ABLIM2: variants seen among roughly 807,000 people sequenced by gnomAD.
The protein encoded by ABLIM2 is actin binding LIM protein family member 2.
Under a neutral mutation model 97.7 loss-of-function variants are expected in ABLIM2, and 53 were observed. The observed-to-expected ratio is 0.54, with a 90% CI of 0.44 to 0.68. The LOEUF (loss-of-function observed/expected upper bound fraction) is 0.68, where lower values mean the gene tolerates loss of function less well. ABLIM2 is among the 30% of genes least tolerant of loss of function. ABLIM2 has a pLI of 0.00. For missense variants in ABLIM2, 835 were observed against 867.2 expected, an observed-to-expected ratio of 0.96 and a Z score of 0.47; for synonymous variants, 361 against 345.8, an observed-to-expected ratio of 1.04 and a Z score of -0.49.
chr4:7,978,474 T>C (rs1317282), intron 20 of ABLIM2, among the ~76,000 whole-genome samples: 96,824 of 152,090 alleles, frequency 0.64, 30,949 homozygotes, highest in Non-Finnish European at 0.64. Context: ...ATAGAAGTCC[T>C]GTCAAGCATA....
chr4:8,096,948 G>C, intron 3 of ABLIM2, 151 bp downstream of exon 3: 1 of 1,016,498 alleles, frequency 9.8e-7, no homozygotes, highest in Non-Finnish European at 1.4e-6. Context: ...CAAGACAGAA[G>C]GGTGCAGACT....
chr4:8,080,723 A>T lies in ABLIM2; in HGVS notation c.534T>A (p.Phe178Leu). 6.2e-7 allele frequency: 1 copy of T among 1,612,744 alleles called. No homozygotes were observed. Among genetic ancestry groups the T allele is most frequent in the South Asian group, 1.1e-5 (1 of 90,956 alleles). Residue 178 changes from phenylalanine to leucine, a missense_variant, in exon 5 of 21, where the codon TTT (phenylalanine) becomes TTA (leucine). Coordinates refer to ENST00000447017, the MANE Select transcript of ABLIM2 (RefSeq NM_001130083.2). ...ALDKHWHLGC[F>L]KCKSCGKLLN... is the part of the protein sequence containing the mutation. The stretch of plus-strand genomic sequence containing the variant: ...GGAGCTTCCCACAGCTCTTGCACTT[A>T]AAACAGCCCAAGTGCCAGTGCTTGT...
intron 14 of ABLIM2, among the ~76,000 whole-genome samples, chr4:8,012,492 A>T (rs1765695030): frequency 7.9e-6 from 1 of 126,330 alleles, no homozygotes; most frequent in Non-Finnish European, 1.6e-5. Flanking sequence ...TCACTCATCC[A>T]TCCATCCATC....
At position 8,085,646 on chromosome 4, in the gene ABLIM2, G is replaced by A. The variant is rs1823053457; in HGVS notation, c.454+2523C>T. 6.7e-6 allele frequency among the ~76,000 whole-genome samples: 1 copy of A among 148,640 alleles called. No homozygotes were observed. Among genetic ancestry groups the A allele is most frequent in the Admixed American group, 6.7e-5 (1 of 14,970 alleles). ...CAGCCCTGTCCACTCACGCAGGTCTGGGGGTGCCCACGCTGCAGCCCCGTC... is the reference window on the plus strand; with the variant it reads ...CAGCCCTGTCCACTCACGCAGGTCTAGGGGTGCCCACGCTGCAGCCCCGTC... On this transcript the variant is annotated intron_variant, in intron 4 of 20. Transcript: ENST00000447017. The surrounding 1 kb of genome is among the most constrained non-coding windows in gnomAD (Gnocchi z 6.1).
Position 8,140,720 on chromosome 4 carries a change from C to A in ABLIM2, c.10+17960G>T, listed in dbSNP as rs554197152. Among the ~76,000 whole-genome samples, 1 of 151,952 alleles carries A rather than the reference C, an allele frequency of 6.6e-6. No individual in the cohort carries two copies. Among genetic ancestry groups the A allele is most frequent in the Admixed American group, 6.6e-5 (1 of 15,264 alleles). On this transcript the variant is annotated intron_variant, in intron 1 of 20. Transcript: ENST00000447017. This position sits in a 1 kb window ranked among gnomAD's most constrained non-coding sequence, Gnocchi z 5.9. ...GAGCTGGGGCCTCCTGAAGGTCCCA[C>A]GGAGGCCAGCAGAGAGTAGCACCCA...
Position 8,023,192 on chromosome 4 carries a change from C to G in ABLIM2, c.1268-2889G>C, listed in dbSNP as rs920871632. 6.6e-6 allele frequency: 1 copy of G among 152,434 alleles called. No individual in the cohort carries two copies. The highest frequency in any genetic ancestry group is 2.1e-4 in the South Asian group (1 of 4,832). The allele number at this position is 152,434 out of a possible 1,614,324, so 9.4% of individuals were successfully genotyped here. On this transcript the variant is annotated intron_variant, in intron 12 of 20. Coordinates refer to ENST00000447017, the MANE Select transcript of ABLIM2 (RefSeq NM_001130083.2). This position sits in a 1 kb window ranked among gnomAD's most constrained non-coding sequence, Gnocchi z 5.7. ...GCCCGCGTCCCTGCCGTCCCCTCTCCCATCACTAGGGTGCCCACAGATTGG... is the reference window on the plus strand; with the variant it reads ...GCCCGCGTCCCTGCCGTCCCCTCTCGCATCACTAGGGTGCCCACAGATTGG...
At chr4:8,063,394 T>G (rs1296458533) in intron 6 of ABLIM2, among the ~76,000 whole-genome samples, 1 of 152,246 alleles carries the variant, frequency 6.6e-6, no homozygotes, top group East Asian at 1.9e-4. Context: ...ACGATGGGCT[T>G]GAGCCCTCCA....
intron 16 of ABLIM2, among the ~76,000 whole-genome samples, chr4:7,993,550 G>A (rs908470093): frequency 3.3e-5 from 5 of 152,136 alleles, no homozygotes; most frequent in African/African-American, 4.8e-5. Context: ...GGTGGTGCAC[G>A]CCTGTGGTCC....
Position 8,095,611 on chromosome 4 carries a change from T to C in ABLIM2, c.338+1488A>G, listed in dbSNP as rs989687246. On this transcript the variant is annotated intron_variant, in intron 3 of 20. Coordinates refer to ENST00000447017, the MANE Select transcript of ABLIM2 (RefSeq NM_001130083.2). This position sits in a 1 kb window ranked among gnomAD's most constrained non-coding sequence, Gnocchi z 4.7. ...GTTTCCCAAGCTGGTCTCCAGTTCC[T>C]GGTCTCAAGCGATCCTCCTACCTTG... Among the ~76,000 whole-genome samples, 3 of 152,176 alleles carry C rather than the reference T, an allele frequency of 2.0e-5. No individual in the cohort carries two copies. The highest frequency in any genetic ancestry group is 1.3e-4 in the Admixed American group (2 of 15,278).
chr4:7,993,068 C>A, intron 16 of ABLIM2, 141 bp from the exon 17 acceptor site: 1 of 823,652 alleles, frequency 1.2e-6, no homozygotes, highest in Non-Finnish European at 2.0e-6. Flanking sequence ...CATGACCTGC[C>A]TCAGTGGTGA....
At chr4:8,064,126 T>C (rs185025810) in intron 6 of ABLIM2, among the ~76,000 whole-genome samples, 23 of 152,370 alleles carry the variant, frequency 1.5e-4, no homozygotes, top group African/African-American at 5.5e-4. Context: ...CTTTGTTCTG[T>C]GTGCTCTCGC....
intron 6 of ABLIM2, among the ~76,000 whole-genome samples, chr4:8,076,214 G>A (rs1815920733): frequency 6.6e-6 from 1 of 152,228 alleles, no homozygotes; most frequent in African/African-American, 2.4e-5. Context: ...AGGTAGAGTT[G>A]CTGGATGCGG....
intron 7 of ABLIM2, among the ~76,000 whole-genome samples, chr4:8,055,942 A>G (rs990753290): frequency 3.3e-5 from 5 of 151,960 alleles, no homozygotes; most frequent in African/African-American, 1.2e-4. Flanking sequence ...GTGAAACCCC[A>G]TCTCTATCAA....
chr4:8,143,159 T>TGGGG (rs1554123507), intron 1 of ABLIM2, among the ~76,000 whole-genome samples: 1 of 61,398 alleles, frequency 1.6e-5, no homozygotes, highest in African/African-American at 6.9e-5. Flanking sequence ...GGGGCGAGAG[T>TGGGG]GGGGGGGGGG....
rs188799005 is a variant in ABLIM2, at chr4:8,021,593, G to A, written c.1268-1290C>T. Among the ~76,000 whole-genome samples the A allele has an allele frequency of 1.3e-5, 2 of 152,208 alleles. No homozygotes were observed. The highest frequency in any genetic ancestry group is 2.4e-5 in the African/African-American group (1 of 41,448). ...AACAGAAATAGAACTTCTGCGGTGG[G>A]TGAGTGATGTGCTGGGCCTGAAGGT... On this transcript the variant is annotated intron_variant, in intron 12 of 20. Transcript: ENST00000447017. The surrounding 1 kb of genome is among the most constrained non-coding windows in gnomAD (Gnocchi z 5.5).
chr4:8,086,822 C>T (rs938733315), intron 4 of ABLIM2, among the ~76,000 whole-genome samples: 4 of 151,346 alleles, frequency 2.6e-5, no homozygotes, highest in Non-Finnish European at 4.4e-5. Flanking sequence ...AATAAAACCA[C>T]GTTTACATTA....
intron 1 of ABLIM2, among the ~76,000 whole-genome samples, chr4:8,141,750 T>C (rs1851016636): frequency 6.6e-6 from 1 of 152,188 alleles, no homozygotes; most frequent in African/African-American, 2.4e-5. Context: ...AGGAGACCTA[T>C]TTGGGAGGGC....
At chr4:8,077,462 T>G (rs1187464832) in intron 6 of ABLIM2, among the ~76,000 whole-genome samples, 166 bp downstream of exon 6, 1 of 152,210 alleles carries the variant, frequency 6.6e-6, no homozygotes, top group Non-Finnish European at 1.5e-5. Context: ...GGGCAGGCCC[T>G]GGACAGCTGA....
chr4:8,103,895 C>T (rs751208951), intron 2 of ABLIM2, among the ~76,000 whole-genome samples: 33 of 152,198 alleles, frequency 2.2e-4, no homozygotes, highest in Admixed American at 2.0e-3. Context: ...TGCAAGCTTC[C>T]CCTTTGTCTT....
Sources: allele counts gnomAD v4.1 joint callset (sites outside exome capture counted in the v4.1 genomes callset), GRCh38; gene constraint gnomAD v4.1.1; non-coding constraint Gnocchi (gnomAD v3.1); transcripts MANE v1.5; gene names NCBI Gene and HGNC (gene_info 2026-07-23, HGNC 2026-07-21).